Variants in SLC7A14 observed in about 807,000 individuals in gnomAD.
SLC7A14 encodes solute carrier family 7 member 14, also known as gamma-aminobutyric acid transporter SLC7A14.
A neutral mutation model predicts 60.2 loss-of-function variants in SLC7A14; 37 were observed. That is an observed-to-expected ratio of 0.61 (90% CI 0.47 to 0.81). The LOEUF is 0.81. SLC7A14 is among the 30% of genes least tolerant of loss of function. The probability of loss-of-function intolerance (pLI) is 0.00; values close to 1 mark genes in which losing one functional copy is unlikely to be tolerated. For synonymous variants in SLC7A14, 399 were observed against 395.8 expected, an observed-to-expected ratio of 1.01 and a Z score of -0.10; for missense variants, 886 against 982.7, an observed-to-expected ratio of 0.90 and a Z score of 1.32.
intron 2 of SLC7A14, among the ~76,000 whole-genome samples, chr3:170,506,644 A>C (rs1712788625): frequency 6.6e-6 from 1 of 152,220 alleles, no homozygotes; most frequent in South Asian, 2.1e-4. Flanking sequence ...GACAGCCTAC[A>C]TGCAATGTTG....
intron 1 of SLC7A14, among the ~76,000 whole-genome samples, chr3:170,550,869 C>T (rs1298599526): frequency 6.6e-6 from 1 of 152,058 alleles, no homozygotes; most frequent in African/African-American, 2.4e-5. Flanking sequence ...AAATTCAGCA[C>T]ATATATTTTT....
intron 4 of SLC7A14, among the ~76,000 whole-genome samples, chr3:170,488,868 T>C (rs1712123524): frequency 6.7e-6 from 1 of 148,910 alleles, no homozygotes; most frequent in Admixed American, 6.8e-5. Flanking sequence ...AAGTCCTTTG[T>C]GGAAATAAGC....
At chr3:170,469,500 T>TG (rs1403550218) in intron 7 of SLC7A14, among the ~76,000 whole-genome samples, 1 of 151,566 alleles carries the variant, frequency 6.6e-6, no homozygotes, top group African/African-American at 2.4e-5. Context: ...TTTCTGTAGG[T>TG]GGGGGGTGGC....
At position 170,585,102 on chromosome 3, in the gene SLC7A14, G is replaced by T. The variant is rs946370926; in HGVS notation, c.-153+809C>A. Among the ~76,000 whole-genome samples the T allele has an allele frequency of 5.3e-5, 8 of 152,186 alleles. No homozygotes were observed. The highest frequency in any genetic ancestry group is 1.9e-4 in the African/African-American group (8 of 41,448). ...AGAAGGAGGGTGGGGGCTGCATCCC[G>T]CGTGGCCACGCAGCCCTAACCTGGC... On this transcript the variant is annotated intron_variant, in intron 1 of 7. Transcript: ENST00000231706. This position sits in a 1 kb window ranked among gnomAD's most constrained non-coding sequence, Gnocchi z 5.1.
At chr3:170,517,020 C>A (rs897817025) in intron 2 of SLC7A14, among the ~76,000 whole-genome samples, 2 of 151,982 alleles carry the variant, frequency 1.3e-5, no homozygotes, top group African/African-American at 4.8e-5. Context: ...TGAGGCACAG[C>A]AAAACTGCTT....
At chr3:170,515,327 A>T (rs1032856773) in intron 2 of SLC7A14, among the ~76,000 whole-genome samples, 3 of 135,706 alleles carry the variant, frequency 2.2e-5, no homozygotes, top group South Asian at 4.6e-4. Context: ...CCCCAAAAAA[A>T]AAATATATAT....
chr3:170,582,228 G>C (rs1006508136), intron 1 of SLC7A14, among the ~76,000 whole-genome samples: 4 of 152,102 alleles, frequency 2.6e-5, no homozygotes, highest in African/African-American at 9.7e-5. Context: ...AGAAGAGTAG[G>C]TCCTTACTTC....
At chr3:170,536,509 G>A (rs546917758) in intron 1 of SLC7A14, among the ~76,000 whole-genome samples, 24 of 152,222 alleles carry the variant, frequency 1.6e-4, no homozygotes, top group South Asian at 4.1e-4. Flanking sequence ...TTATTGGGAA[G>A]TCTGATGGGC....
At chr3:170,490,811 G>C (rs1334416465) in intron 4 of SLC7A14, among the ~76,000 whole-genome samples, 1 of 152,176 alleles carries the variant, frequency 6.6e-6, no homozygotes, top group Non-Finnish European at 1.5e-5. Context: ...CTTAAATGGA[G>C]ATAATAATAG....
intron 7 of SLC7A14, among the ~76,000 whole-genome samples, chr3:170,467,683 C>G (rs1739758642): frequency 6.6e-6 from 1 of 152,156 alleles, no homozygotes; most frequent in African/African-American, 2.4e-5. Context: ...AACTGGCTGC[C>G]TCTTTAGACA....
At chr3:170,519,644 T>G (rs1713283358) in intron 2 of SLC7A14, among the ~76,000 whole-genome samples, 2 of 152,148 alleles carry the variant, frequency 1.3e-5, no homozygotes, top group African/African-American at 4.8e-5. Context: ...GGCATAGTGG[T>G]GGGTGCCTGT....
chr3:170,496,591 A>G, intron 4 of SLC7A14: 2 of 1,594,440 alleles, frequency 1.3e-6, no homozygotes, highest in Non-Finnish European at 1.7e-6. Context: ...CTGGACATGG[A>G]GATCGCCACC....
rs545886254 is a variant in SLC7A14 at position 170,497,790 on chromosome 3, G to A, written c.759+877C>T. Among the ~76,000 whole-genome samples the A allele has an allele frequency of 5.3e-5, 8 of 152,328 alleles. No individual in the cohort carries two copies. In the South Asian group the frequency reaches 8.3e-4, roughly 16 times the overall value. ...AGGTGCAACTCACAGCCACTTGTCA[G>A]TATAAAGAATTTGCCTCTCTGACCT... On this transcript the variant is annotated intron_variant, in intron 4 of 7. Coordinates refer to ENST00000231706, the MANE Select transcript of SLC7A14 (RefSeq NM_020949.3).
chr3:170,531,889 T>C (rs1489903642), intron 1 of SLC7A14, among the ~76,000 whole-genome samples: 1 of 152,144 alleles, frequency 6.6e-6, no homozygotes, highest in East Asian at 1.9e-4. Flanking sequence ...TTCAGTGGGC[T>C]CCAAGGATAA....
At chr3:170,573,124 G>C (rs921783039) in intron 1 of SLC7A14, among the ~76,000 whole-genome samples, 1 of 152,168 alleles carries the variant, frequency 6.6e-6, no homozygotes, top group Non-Finnish European at 1.5e-5. Flanking sequence ...TACTGACAAG[G>C]ATAAACCAGA....
In SLC7A14 at chr3:170,577,345, G is replaced by A. The variant is rs560474085; in HGVS notation, c.-153+8566C>T. ...TAGAAAACCACAGAGGAGGCCGGGC[G>A]CGGTGGCTCACGCCTGTAATCCCAG... On this transcript the variant is annotated intron_variant, in intron 1 of 7. Transcript: ENST00000231706. Among the ~76,000 whole-genome samples, 588 of 152,244 alleles carry A rather than the reference G, an allele frequency of 3.9e-3. 2 individuals are homozygous for A. The highest frequency in any genetic ancestry group is 6.6e-3 in the Non-Finnish European group (446 of 68,012).
At chr3:170,486,696 AC>A (rs1309240422) in intron 4 of SLC7A14, among the ~76,000 whole-genome samples, 1 of 151,910 alleles carries the variant, frequency 6.6e-6, no homozygotes, top group Non-Finnish European at 1.5e-5. Flanking sequence ...ACATGGTGAA[AC>A]CCTGTCTGTA....
chr3:170,472,069 G>C (rs552551088), intron 7 of SLC7A14, among the ~76,000 whole-genome samples: 1 of 152,118 alleles, frequency 6.6e-6, no homozygotes, highest in South Asian at 2.1e-4. Context: ...AGTAAACACA[G>C]AAGTGTTTCA....
At chr3:170,467,522 G>A in intron 7 of SLC7A14, 145 bp from the exon 8 acceptor site, 1 of 643,318 alleles carries the variant, frequency 1.6e-6, no homozygotes, top group Non-Finnish European at 2.4e-6. Flanking sequence ...TGCTTTATGT[G>A]GTGTTTTGAA....
Sources: gnomAD v4.1 joint callset for allele counts (sites outside exome capture counted in the v4.1 genomes callset) on GRCh38, gnomAD v4.1.1 for gene constraint, Gnocchi (gnomAD v3.1) non-coding constraint, MANE v1.5 for transcripts, NCBI Gene and HGNC (gene_info 2026-07-23, HGNC 2026-07-21) for gene names.